Variants in TPO observed in about 807,000 individuals in gnomAD.
TPO encodes thyroid microsomal antigen.
In TPO, 78 loss-of-function variants were observed where a neutral mutation model predicts 96.9. The observed-to-expected ratio is 0.81, with a 90% CI of 0.67 to 0.97. The LOEUF (loss-of-function observed/expected upper bound fraction) is 0.97, where lower values mean the gene tolerates loss of function less well. TPO is among the 50% of genes least tolerant of loss of function. The pLI is 0.00. For synonymous variants in TPO, 547 were observed against 538.0 expected, an observed-to-expected ratio of 1.02 and a Z score of -0.23; for missense variants, 1,252 against 1,274.8, an observed-to-expected ratio of 0.98 and a Z score of 0.27.
Position 1,453,835 on chromosome 2 carries a change from GA to G in TPO, c.612+14del. The stretch of plus-strand genomic sequence containing the variant: ...TCCCACTGCCCCCGGTGGGTACTCA[GA>G]ACGCTACTATCCTGGACTAAGATTG... On this transcript the variant is annotated intron_variant, in intron 6 of 16. Transcript: ENST00000329066. 1 of 1,613,644 alleles carries G rather than the reference GA, an allele frequency of 6.2e-7. No individual in the cohort carries two copies. The highest frequency in any genetic ancestry group is 8.5e-7 in the Non-Finnish European group (1 of 1,180,034).
In TPO at chr2:1,441,995, C is replaced by T. The variant is rs184057481; in HGVS notation, c.482+5611C>T. The stretch of plus-strand genomic sequence containing the variant: ...GGGCAGGTCTTTCTTGTGATGTTCT[C>T]GTGATAGTGAATAAGTCTCACGAGA... On this transcript the variant is annotated intron_variant, in intron 5 of 16. Transcript: ENST00000329066. Among the ~76,000 whole-genome samples the T allele has an allele frequency of 7.9e-5, 12 of 152,192 alleles. No homozygotes were observed. The South Asian group carries it at 2.1e-3, about 26-fold the overall frequency.
At chr2:1,436,516 G>A in intron 5 of TPO, 132 bp downstream of exon 5, 1 of 1,421,344 alleles carries the variant, frequency 7.0e-7, no homozygotes, top group Non-Finnish European at 9.7e-7. Flanking sequence ...CCTGTCCTTG[G>A]CCTCCCCGAC....
At chr2:1,400,525 C>T (rs1162003560) in intron 1 of TPO, among the ~76,000 whole-genome samples, 1 of 134,844 alleles carries the variant, frequency 7.4e-6, no homozygotes, top group Non-Finnish European at 1.5e-5. Flanking sequence ...GCTGAGATTG[C>T]ACCACTGCAC....
At chr2:1,471,310 C>G (rs1243428890) in intron 7 of TPO, among the ~76,000 whole-genome samples, 1 of 152,076 alleles carries the variant, frequency 6.6e-6, no homozygotes, top group Admixed American at 6.6e-5. Context: ...TCTTTATTTT[C>G]TATTACCTTC....
chr2:1,479,308 G>A (rs778630419), intron 8 of TPO, among the ~76,000 whole-genome samples: 38 of 152,178 alleles, frequency 2.5e-4, no homozygotes, highest in Non-Finnish European at 4.3e-4. Context: ...CGACCTCCAC[G>A]GGCAGATGTT....
At chr2:1,504,989 A>G (rs1461276767) in intron 14 of TPO, among the ~76,000 whole-genome samples, 1 of 152,194 alleles carries the variant, frequency 6.6e-6, no homozygotes, top group Non-Finnish European at 1.5e-5. Flanking sequence ...GGGTCAGTGC[A>G]AAACGCTTCA....
chr2:1,531,714 C>T (rs1394980378), intron 15 of TPO, among the ~76,000 whole-genome samples: 1 of 80,974 alleles, frequency 1.2e-5, no homozygotes, highest in Non-Finnish European at 2.6e-5. Context: ...CGCCAAATCC[C>T]CCCCACTCTC....
intron 1 of TPO, among the ~76,000 whole-genome samples, chr2:1,379,240 G>A (rs1475719847): frequency 6.6e-6 from 1 of 152,154 alleles, no homozygotes; most frequent in Admixed American, 6.6e-5. Context: ...AGGAGGCGGA[G>A]GTTGCAGTGA....
rs1368010145 is a variant in TPO, at chr2:1,543,189, G to T, written c.*715G>T. 3 of 152,692 alleles carry T rather than the reference G, an allele frequency of 2.0e-5. No homozygotes were observed. The highest frequency in any genetic ancestry group is 4.4e-5 in the Non-Finnish European group (3 of 68,470). The allele number at this position is 152,692 out of a possible 1,614,324, so 9.5% of individuals were successfully genotyped here. A position where few individuals can be genotyped will look rare whatever the true frequency, so the allele number is the denominator to read the frequency against. On this transcript the variant is annotated 3_prime_UTR_variant, in exon 17 of 17. Coordinates refer to ENST00000329066, the MANE Select transcript of TPO (RefSeq NM_001206744.2). ...CCTGACTCAACAAGGCAGTCTCGGG[G>T]GCACCGTTAGCCACGCGACCCTGTA...
chr2:1,524,509 G>A (rs1422598001), intron 15 of TPO, among the ~76,000 whole-genome samples: 1 of 100,834 alleles, frequency 9.9e-6, no homozygotes, highest in Non-Finnish European at 1.9e-5. Context: ...CCCACTGTGT[G>A]CAGCCTCCCC....
chr2:1,541,261 C>CAAAGTCTCAGGCAGGAGGAGGGCGCCT, intron 16 of TPO: 1 of 1,039,860 alleles, frequency 9.6e-7, no homozygotes, highest in Non-Finnish European at 1.2e-6. Flanking sequence ...GTCACAGGCA[C>CAAAGTCTCAGGCAGGAGGAGGGCGCCT]AAAGTCTCAG....
At chr2:1,378,917 C>T (rs1049852907) in intron 1 of TPO, among the ~76,000 whole-genome samples, 5 of 152,198 alleles carry the variant, frequency 3.3e-5, no homozygotes, top group Admixed American at 1.3e-4. Flanking sequence ...TCAAAGGCGG[C>T]TCACTGAACC....
At chr2:1,382,097 A>AC (rs920884569) in intron 1 of TPO, among the ~76,000 whole-genome samples, 1 of 151,744 alleles carries the variant, frequency 6.6e-6, no homozygotes, top group Non-Finnish European at 1.5e-5. Context: ...GATGCATTAA[A>AC]CCCTTTAAAA....
intron 15 of TPO, among the ~76,000 whole-genome samples, chr2:1,525,728 T>C (rs1356772484): frequency 1.4e-5 from 1 of 73,848 alleles, no homozygotes; most frequent in Admixed American, 1.6e-4. Context: ...TCACCCCCAC[T>C]CTGCAAACTC....
intron 7 of TPO, among the ~76,000 whole-genome samples, chr2:1,458,805 A>G (rs1451788732): frequency 6.6e-6 from 1 of 152,204 alleles, no homozygotes; most frequent in African/African-American, 2.4e-5. Flanking sequence ...AATTGTTTAC[A>G]ACTTAGTATT....
At chr2:1,504,691 T>A (rs1387728585) in intron 14 of TPO, among the ~76,000 whole-genome samples, 1 of 152,230 alleles carries the variant, frequency 6.6e-6, no homozygotes, top group Non-Finnish European at 1.5e-5. Context: ...CTGAAAATTG[T>A]GGCTCTTAGG....
chr2:1,409,841 A>T (rs146006332), upstream of TPO, among the ~76,000 whole-genome samples: 138 of 152,006 alleles, frequency 9.1e-4, no homozygotes, highest in African/African-American at 3.2e-3. Context: ...CAAGCCAGGC[A>T]CCAAAAGACA....
chr2:1,505,587 C>A (rs956384700), intron 14 of TPO, among the ~76,000 whole-genome samples: 1 of 151,328 alleles, frequency 6.6e-6, no homozygotes, highest in African/African-American at 2.4e-5. Context: ...ACCCCCACTC[C>A]TTTTGTTGTT....
chr2:1,526,598 C>G (rs1475088383), intron 15 of TPO, among the ~76,000 whole-genome samples: 2 of 149,816 alleles, frequency 1.3e-5, no homozygotes, highest in Non-Finnish European at 3.0e-5. Flanking sequence ...GCAACCTCCA[C>G]AAATCCCCCC....
Sources: gnomAD v4.1 joint callset for allele counts (sites outside exome capture counted in the v4.1 genomes callset) on GRCh38, gnomAD v4.1.1 for gene constraint, MANE v1.5 for transcripts, NCBI Gene and HGNC (gene_info 2026-07-23, HGNC 2026-07-21) for gene names.